The following ADD1 variants were observed in gnomAD, a reference collection of about 807,000 sequenced individuals.
ADD1 encodes the protein adducin 1, also known as alpha-adducin.
Under a neutral mutation model 80.5 loss-of-function variants are expected in ADD1, and 24 were observed. That is an observed-to-expected ratio of 0.30 (90% CI 0.22 to 0.42). The LOEUF is 0.42. Ranked by LOEUF, ADD1 falls within the 10% of genes least tolerant of loss-of-function variation. The pLI, the probability that ADD1 is intolerant of heterozygous loss-of-function variation, is 1.00. For missense variants in ADD1, 948 were observed against 1,019.0 expected, an observed-to-expected ratio of 0.93 and a Z score of 0.95; for synonymous variants, 373 against 393.8, an observed-to-expected ratio of 0.95 and a Z score of 0.63.
chr4:2,860,320 T>G (rs2108821771), intron 1 of ADD1, among the ~76,000 whole-genome samples: 1 of 152,328 alleles, frequency 6.6e-6, no homozygotes, highest in Non-Finnish European at 1.5e-5. Context: ...CATAAGACCT[T>G]CTTAATTCAG....
At chr4:2,870,252 A>G (rs1228050034) in intron 1 of ADD1, among the ~76,000 whole-genome samples, 1 of 152,250 alleles carries the variant, frequency 6.6e-6, no homozygotes, top group Non-Finnish European at 1.5e-5. Flanking sequence ...GTTACACATT[A>G]ATAAAGATGG....
chr4:2,908,448 C>T, intron 11 of ADD1, 67 bp from the exon 12 acceptor site: 1 of 1,426,812 alleles, frequency 7.0e-7, no homozygotes, highest in South Asian at 1.2e-5. Context: ...AGTGCACAAG[C>T]AGCAGGGCTC....
At position 2,904,957 on chromosome 4, in the gene ADD1, G is replaced by T. The variant is rs750544300; in HGVS notation, c.1355G>T (p.Arg452Leu). 6.2e-7 allele frequency: 1 copy of T among 1,614,042 alleles called. No individual in the cohort carries two copies. The highest frequency in any genetic ancestry group is 8.5e-7 in the Non-Finnish European group (1 of 1,180,036). ...REKTRWLNSG[R>L]GDEASEEGQN... ...AAGACAAGATGGCTGAACTCTGGCC[G>T]GGGCGACGAAGCTTCCGAGGAAGGG... is the stretch of plus-strand genomic sequence containing the variant. The change falls in exon 10 of 16, where the codon CGG becomes CTG. Residue 452 changes from arginine to leucine, a missense_variant. Coordinates refer to ENST00000683351, the MANE Select transcript of ADD1 (RefSeq NM_001354761.2).
intron 1 of ADD1, 101 bp from the exon 2 acceptor site, chr4:2,875,795 C>T: frequency 2.0e-6 from 2 of 978,980 alleles, no homozygotes; most frequent in Non-Finnish European, 3.0e-6. Context: ...GTCATTACAT[C>T]CTCCTGTTGA....
chr4:2,885,904 C>G (rs1238498747), intron 4 of ADD1, among the ~76,000 whole-genome samples: 2 of 152,114 alleles, frequency 1.3e-5, no homozygotes, highest in African/African-American at 4.8e-5. Flanking sequence ...GCCACCCTGC[C>G]CGGCCCCTTC....
chr4:2,851,667 A>G (rs1727093273), intron 1 of ADD1, among the ~76,000 whole-genome samples: 1 of 152,142 alleles, frequency 6.6e-6, no homozygotes, highest in Non-Finnish European at 1.5e-5. Context: ...CAAGTTATTC[A>G]AGTTATTGTC....
rs1731142257 is a variant in ADD1, at chr4:2,875,547, G to T, written c.-20-349G>T. The stretch of plus-strand genomic sequence containing the variant: ...GTGCTGTTCTTAGCAGATCTTGTCT[G>T]TGTGGAACAAATCATGTCTGTAAAG... On this transcript the variant is annotated intron_variant, in intron 1 of 15. Coordinates refer to ENST00000683351, the MANE Select transcript of ADD1 (RefSeq NM_001354761.2). Among the ~76,000 whole-genome samples, 3 of 152,340 alleles carry T rather than the reference G, an allele frequency of 2.0e-5. No individual in the cohort carries two copies. In the South Asian group the frequency reaches 6.2e-4, roughly 32 times the overall value.
intron 2 of ADD1, among the ~76,000 whole-genome samples, chr4:2,881,445 C>T (rs6824567): frequency 0.24 from 36,737 of 152,068 alleles, 4,839 homozygotes; most frequent in Non-Finnish European, 0.28. Flanking sequence ...ACTGGTTATA[C>T]TGCTTGATAA....
intron 14 of ADD1, among the ~76,000 whole-genome samples, chr4:2,921,400 T>A (rs1218497884): frequency 1.3e-5 from 2 of 152,206 alleles, no homozygotes; most frequent in East Asian, 3.8e-4. Context: ...AGTGCTGGGA[T>A]TACAGGCGTG....
intron 14 of ADD1, among the ~76,000 whole-genome samples, chr4:2,918,852 T>G (rs1011738732): frequency 1.3e-5 from 2 of 151,840 alleles, no homozygotes; most frequent in African/African-American, 4.8e-5. Context: ...TTATTTGGTT[T>G]TTTTTTTTTT....
Position 2,928,269 on chromosome 4 carries a change from G to C in ADD1, c.2146G>C (p.Gly716Arg), listed in dbSNP as rs752304430. The C allele has an allele frequency of 1.2e-5, 19 of 1,613,858 alleles. No homozygotes were observed. The highest frequency in any genetic ancestry group is 3.3e-4 in the Middle Eastern group (2 of 6,084). The change falls in exon 16 of 16, where the codon GGC (glycine) becomes CGC (arginine). Residue 716 changes from glycine to arginine, a missense_variant. Gly to Arg is a moderately radical substitution (Grantham distance 125, BLOSUM62 -2). Coordinates refer to ENST00000683351, the MANE Select transcript of ADD1 (RefSeq NM_001354761.2). ...CCCTGATGAACCTTCAGAAGCACTC[G>C]GCTTCCCAATGTTAGAGAAGGAGGA... ...LSPDEPSEAL[G>R]FPMLEKEEEA...
At chr4:2,908,947 G>A in intron 12 of ADD1, 2 of 447,608 alleles carry the variant, frequency 4.5e-6, no homozygotes, top group East Asian at 8.9e-5. Context: ...AGGGACTCTT[G>A]TTCTGGTACA....
At chr4:2,914,179 A>ACC (rs1245032020) in intron 13 of ADD1, among the ~76,000 whole-genome samples, 1 of 151,858 alleles carries the variant, frequency 6.6e-6, no homozygotes, top group Non-Finnish European at 1.5e-5. Flanking sequence ...AGTGGACCGC[A>ACC]CCCCCTGATG....
chr4:2,857,204 A>C (rs537985229), intron 1 of ADD1, among the ~76,000 whole-genome samples: 64 of 152,188 alleles, frequency 4.2e-4, no homozygotes, highest in African/African-American at 1.5e-3. Context: ...GAGCCACCAC[A>C]CCCGGCCAGG....
chr4:2,887,932 C>A (rs1733659691), intron 4 of ADD1, among the ~76,000 whole-genome samples: 1 of 152,046 alleles, frequency 6.6e-6, no homozygotes, highest in African/African-American at 2.4e-5. Flanking sequence ...GCTTTAGATT[C>A]AGAGAATTGA....
rs546098359 is a variant in ADD1 at position 2,926,317 on chromosome 4, G to A, written c.2047+205G>A. 4 of 716,094 alleles carry A rather than the reference G, an allele frequency of 5.6e-6. No homozygotes were observed. In the East Asian group the frequency reaches 8.1e-5, roughly 14 times the overall value. The allele number at this position is 716,094 out of a possible 1,614,324, so 44.4% of individuals were successfully genotyped here. On this transcript the variant is annotated intron_variant, in intron 15 of 15. Coordinates refer to ENST00000683351, the MANE Select transcript of ADD1 (RefSeq NM_001354761.2). This position sits in a 1 kb window ranked among gnomAD's most constrained non-coding sequence, Gnocchi z 5.0. ...AGATTTGTATGTGAGCTGTGACCAG[G>A]TAGGAAGGCCGGCCTCGGGGGTCGG... is the stretch of plus-strand genomic sequence containing the variant.
chr4:2,918,778 G>T (rs1739503495), intron 14 of ADD1, among the ~76,000 whole-genome samples: 2 of 151,608 alleles, frequency 1.3e-5, no homozygotes. Flanking sequence ...TAATCATGTG[G>T]TTTTTGTCAT....
intron 2 of ADD1, among the ~76,000 whole-genome samples, chr4:2,878,384 A>G (rs773370755): frequency 7.2e-5 from 11 of 152,160 alleles, no homozygotes; most frequent in Non-Finnish European, 1.5e-5. Flanking sequence ...TAGTGTGAAT[A>G]GGACTTGCTG....
chr4:2,882,884 G>A (rs978682801), intron 3 of ADD1, among the ~76,000 whole-genome samples: 1 of 151,834 alleles, frequency 6.6e-6, no homozygotes, highest in Non-Finnish European at 1.5e-5. Flanking sequence ...TTTTTGAGAC[G>A]GCGTCTTGCT....
Sources: allele counts gnomAD v4.1 joint callset (sites outside exome capture counted in the v4.1 genomes callset), GRCh38; gene constraint gnomAD v4.1.1; non-coding constraint Gnocchi (gnomAD v3.1); transcripts MANE v1.5; gene names NCBI Gene and HGNC (gene_info 2026-07-23, HGNC 2026-07-21).